Variants in PLXNA4 observed in about 807,000 individuals in gnomAD.
PLXNA4 encodes the protein plexin A4, also known as plexin-A4.
Under a neutral mutation model 191.8 loss-of-function variants are expected in PLXNA4, and 44 were observed. The ratio of observed to expected loss-of-function variants is 0.23; its 90% CI spans 0.18 to 0.29. The LOEUF is 0.29. Ranked by LOEUF, PLXNA4 falls within the 10% of genes least tolerant of loss-of-function variation. The pLI is 1.00. For missense variants in PLXNA4, 1,800 were observed against 2,488.8 expected (o/e 0.72, Z 5.89); for synonymous variants, 1,082 against 1,009.5 (o/e 1.07, Z -1.36).
At chr7:132,201,257 T>C (rs1797423815) in intron 12 of PLXNA4, among the ~76,000 whole-genome samples, 1 of 152,002 alleles carries the variant, frequency 6.6e-6, no homozygotes. Context: ...ACCGTCTACC[T>C]CCTGAACGGC....
intron 9 of PLXNA4, among the ~76,000 whole-genome samples, chr7:132,217,510 G>A (rs1798000586): frequency 6.6e-6 from 1 of 152,084 alleles, no homozygotes; most frequent in East Asian, 1.9e-4. Flanking sequence ...GGAAGCTAAG[G>A]AAGAAATGAT....
intron 4 of PLXNA4, among the ~76,000 whole-genome samples, chr7:132,296,982 GAGA>G (rs954941228): frequency 1.3e-5 from 2 of 152,104 alleles, no homozygotes; most frequent in Admixed American, 6.5e-5. Context: ...CTGACAACAG[GAGA>G]AGATGTCATC....
intron 1 of PLXNA4, among the ~76,000 whole-genome samples, chr7:132,554,475 C>T (rs903000365): frequency 6.6e-6 from 1 of 152,222 alleles, no homozygotes; most frequent in African/African-American, 2.4e-5. Flanking sequence ...GGGCAAATCA[C>T]CTTTCTCCAC....
intron 4 of PLXNA4, among the ~76,000 whole-genome samples, chr7:132,267,660 T>C (rs1799907547): frequency 6.6e-6 from 1 of 152,324 alleles, no homozygotes; most frequent in African/African-American, 2.4e-5. Flanking sequence ...GCTTCTTATA[T>C]GATATGGAAT....
At chr7:132,450,579 G>T (rs1796082578) in intron 3 of PLXNA4, among the ~76,000 whole-genome samples, 1 of 152,166 alleles carries the variant, frequency 6.6e-6, no homozygotes, top group African/African-American at 2.4e-5. Context: ...TGGTCACTCA[G>T]CTACTGAGAA....
intron 1 of PLXNA4, among the ~76,000 whole-genome samples, chr7:132,551,376 G>A (rs1187617359): frequency 1.3e-5 from 2 of 152,140 alleles, no homozygotes; most frequent in Non-Finnish European, 2.9e-5. Flanking sequence ...AACCCATATT[G>A]AACTGTGGTG....
intron 4 of PLXNA4, among the ~76,000 whole-genome samples, chr7:132,287,565 C>A (rs1800728170): frequency 6.8e-6 from 1 of 147,568 alleles, no homozygotes; most frequent in Non-Finnish European, 1.5e-5. Flanking sequence ...CTGTTCATGA[C>A]CCCCCCCGGA....
intron 3 of PLXNA4, among the ~76,000 whole-genome samples, chr7:132,383,072 T>C (rs1804964587): frequency 6.6e-6 from 1 of 152,164 alleles, no homozygotes; most frequent in Non-Finnish European, 1.5e-5. Context: ...CCTTAATACA[T>C]TCCTGTTGGC....
intron 3 of PLXNA4, among the ~76,000 whole-genome samples, chr7:132,316,516 G>C (rs1002046899): frequency 3.3e-5 from 5 of 152,100 alleles, no homozygotes; most frequent in African/African-American, 1.2e-4. Context: ...TTTAACCCTA[G>C]CCTATAAAGT....
chr7:132,277,264 A>AT lies in PLXNA4; in HGVS notation c.1503+20826dup, dbSNP rs547230315. Among the ~76,000 whole-genome samples, 4 of 152,192 alleles carry AT rather than the reference A, an allele frequency of 2.6e-5. 1 individual carries two copies. The highest frequency in any genetic ancestry group is 2.0e-4 in the Admixed American group (3 of 15,286). On this transcript the variant is annotated intron_variant, in intron 4 of 31. Coordinates refer to ENST00000321063, the MANE Select transcript of PLXNA4 (RefSeq NM_020911.2). Reference sequence around the variant, plus strand: ...AGTTTGACCCAGGCTCCAATTGGGAATTTTTTTTAACTGGTGAAGAAAGGG... The same window carrying AT: ...AGTTTGACCCAGGCTCCAATTGGGAATTTTTTTTTAACTGGTGAAGAAAGGG...
At chr7:132,222,870 G>A (rs1798192841) in intron 9 of PLXNA4, among the ~76,000 whole-genome samples, 1 of 152,158 alleles carries the variant, frequency 6.6e-6, no homozygotes, top group Non-Finnish European at 1.5e-5. Context: ...CAGTATCTCA[G>A]CGATTCTTCA....
chr7:132,161,965 C>T (rs1312437711), intron 24 of PLXNA4, among the ~76,000 whole-genome samples: 2 of 152,170 alleles, frequency 1.3e-5, no homozygotes, highest in Non-Finnish European at 2.9e-5. Context: ...GTCCAAGCTC[C>T]AGCATCAATC....
At chr7:132,497,950 C>A (rs560135319) in intron 2 of PLXNA4, among the ~76,000 whole-genome samples, 1 of 152,276 alleles carries the variant, frequency 6.6e-6, no homozygotes, top group East Asian at 1.9e-4. Flanking sequence ...ACAGTCACAA[C>A]AACCCAGTTA....
intron 1 of PLXNA4, among the ~76,000 whole-genome samples, chr7:132,540,614 T>A (rs1800035545): frequency 1.5e-5 from 2 of 129,264 alleles, no homozygotes; most frequent in Admixed American, 8.7e-5. Context: ...GGAGTCTTGC[T>A]CTGTCGCCCA....
intron 23 of PLXNA4, 44 bp downstream of exon 23, chr7:132,165,090 A>T: frequency 6.2e-7 from 1 of 1,600,174 alleles, no homozygotes; most frequent in Non-Finnish European, 8.5e-7. Context: ...GGCTGCAGAG[A>T]ATGAACGAGG....
chr7:132,208,925 G>A (rs772183876), intron 10 of PLXNA4, among the ~76,000 whole-genome samples: 5 of 152,180 alleles, frequency 3.3e-5, no homozygotes, highest in African/African-American at 9.7e-5. Flanking sequence ...ACCCACGTTC[G>A]GGGAGTTCCC....
At chr7:132,628,384 C>A (rs1482886710) in intron 2 of PLXNA4, among the ~76,000 whole-genome samples, 1 of 151,798 alleles carries the variant, frequency 6.6e-6, no homozygotes, top group Non-Finnish European at 1.5e-5. Flanking sequence ...CTCTCTCTCT[C>A]TTTTTCTCTC....
chr7:132,617,483 G>A (rs922607720), intron 2 of PLXNA4, among the ~76,000 whole-genome samples: 2 of 152,166 alleles, frequency 1.3e-5, no homozygotes, highest in Admixed American at 1.3e-4. Flanking sequence ...CATGTCCTAT[G>A]TCTTCCTAAT....
intron 1 of PLXNA4, among the ~76,000 whole-genome samples, chr7:132,509,685 G>A (rs533748937): frequency 6.6e-6 from 1 of 152,278 alleles, no homozygotes; most frequent in African/African-American, 2.4e-5. Flanking sequence ...GTCCCATGCA[G>A]CAGAAGAATT....
Sources: allele counts gnomAD v4.1 joint callset (sites outside exome capture counted in the v4.1 genomes callset), GRCh38; gene constraint gnomAD v4.1.1; transcripts MANE v1.5; gene names NCBI Gene and HGNC (gene_info 2026-07-23, HGNC 2026-07-21).